The following CREM variants were observed in gnomAD, a reference collection of about 807,000 sequenced individuals.
CREM encodes the protein cAMP-responsive element modulator.
CREM carries 13 observed loss-of-function variants against 37.3 expected under a neutral mutation model. The ratio of observed to expected loss-of-function variants is 0.35; its 90% CI spans 0.23 to 0.55. CREM has a LOEUF of 0.55. Ranked by LOEUF, CREM falls within the 20% of genes least tolerant of loss-of-function variation. CREM has a pLI of 0.88. For missense variants in CREM, 296 were observed against 362.3 expected, an observed-to-expected ratio of 0.82 and a Z score of 1.49; for synonymous variants, 124 against 120.2, an observed-to-expected ratio of 1.03 and a Z score of -0.21.
chr10:35,157,787 G>A (rs1219455685), intron 3 of CREM, among the ~76,000 whole-genome samples: 1 of 152,030 alleles, frequency 6.6e-6, no homozygotes, highest in Non-Finnish European at 1.5e-5. Context: ...GTTCATAGAT[G>A]ACATGATCTT....
At chr10:35,178,191 T>G (rs1029186450) in intron 3 of CREM, among the ~76,000 whole-genome samples, 2 of 152,206 alleles carry the variant, frequency 1.3e-5, no homozygotes, top group Non-Finnish European at 2.9e-5. Context: ...AGAGATTCAT[T>G]ATTTTAGTTT....
intron 3 of CREM, chr10:35,171,167 T>TA (rs2093800612): frequency 7.4e-6 from 1 of 135,408 alleles, no homozygotes; most frequent in Admixed American, 7.5e-5. Flanking sequence ...AAGCCTTTTT[T>TA]TTTTTTTTTT....
intron 5 of CREM, among the ~76,000 whole-genome samples, chr10:35,182,158 G>A (rs1472656832): frequency 6.6e-6 from 1 of 152,116 alleles, no homozygotes; most frequent in Non-Finnish European, 1.5e-5. Flanking sequence ...TTTAGAAGAC[G>A]TTTACTTTAA....
chr10:35,162,548 C>G (rs1287422318), intron 3 of CREM, among the ~76,000 whole-genome samples: 1 of 152,118 alleles, frequency 6.6e-6, no homozygotes, highest in African/African-American at 2.4e-5. Flanking sequence ...TCTGTCAATT[C>G]AAAATGTAAA....
intron 3 of CREM, among the ~76,000 whole-genome samples, chr10:35,155,741 G>A (rs2092860088): frequency 6.6e-6 from 1 of 151,474 alleles, no homozygotes; most frequent in South Asian, 2.1e-4. Context: ...TGATTCTCTT[G>A]CCTCAGGTTC....
chr10:35,167,935 G>T, intron 3 of CREM: 1 of 766,530 alleles, frequency 1.3e-6, no homozygotes, highest in South Asian at 1.7e-5. Flanking sequence ...TACTGAGAAT[G>T]ATGATTTCCA....
intron 3 of CREM, among the ~76,000 whole-genome samples, chr10:35,169,278 C>T (rs1316786974): frequency 6.6e-6 from 1 of 152,108 alleles, no homozygotes; most frequent in African/African-American, 2.4e-5. Flanking sequence ...TTTCATTGAG[C>T]AGTGGTTTGT....
rs760034065 is a variant in CREM, at chr10:35,211,645, C to CT, written c.*254dup. The CT allele has an allele frequency of 6.2e-6, 10 of 1,606,404 alleles. No homozygotes were observed. In the East Asian group the frequency reaches 6.7e-5, roughly 11 times the overall value. On this transcript the variant is annotated 3_prime_UTR_variant, in exon 8 of 8. Transcript: ENST00000685392. ...ATGCTTTGTTTGCCCTTTGCTTCTG[C>CT]TTTTTTTCAGGGAAGCTGCCAAAGA... is the stretch of plus-strand genomic sequence containing the variant.
chr10:35,190,611 G>C lies in CREM; in HGVS notation c.598+2223G>C, dbSNP rs1022855546. ...TCATATGCATTTGGAATAAGTTTGA[G>C]TTTCTAAATAGTAGTAGTAATAATA... On this transcript the variant is annotated intron_variant, in intron 6 of 7. Coordinates refer to ENST00000685392, the MANE Select transcript of CREM (RefSeq NM_183011.2). 2.6e-5 allele frequency among the ~76,000 whole-genome samples: 4 copies of C among 152,000 alleles called. No individual in the cohort carries two copies. The East Asian group carries it at 7.7e-4, about 29-fold the overall frequency.
At position 35,135,782 on chromosome 10, in the gene CREM, CA is replaced by C. The variant is rs1425523781; in HGVS notation, c.-54-1996del. On this transcript the variant is annotated intron_variant, in intron 1 of 7. Coordinates refer to ENST00000685392, the MANE Select transcript of CREM (RefSeq NM_183011.2). Reference sequence around the variant, plus strand: ...AAAAAATGAGACAAAGAAGATAGAACAAAAGGCTAGATAATTTGGAAGAAAA... The same window carrying C: ...AAAAAATGAGACAAAGAAGATAGAACAAAGGCTAGATAATTTGGAAGAAAA... 4.1e-5 allele frequency among the ~76,000 whole-genome samples: 4 copies of C among 97,106 alleles called. 1 individual carries two copies. Among genetic ancestry groups the C allele is most frequent in the Non-Finnish European group, 8.8e-5 (4 of 45,352 alleles). The allele number at this position is 97,106 out of a possible 152,430, so 63.7% of individuals were successfully genotyped here.
At chr10:35,144,318 T>C (rs1468968134) in intron 2 of CREM, among the ~76,000 whole-genome samples, 1 of 152,184 alleles carries the variant, frequency 6.6e-6, no homozygotes, top group Non-Finnish European at 1.5e-5. Context: ...TTGTGGTTGA[T>C]CTCATTCTGA....
At chr10:35,143,946 T>C (rs566419317) in intron 2 of CREM, among the ~76,000 whole-genome samples, 4 of 152,174 alleles carry the variant, frequency 2.6e-5, no homozygotes, top group Admixed American at 2.6e-4. Flanking sequence ...GATTGTATTA[T>C]GGAGGGAAAG....
chr10:35,140,270 A>T (rs1455469693), intron 2 of CREM, among the ~76,000 whole-genome samples: 2 of 152,204 alleles, frequency 1.3e-5, no homozygotes, highest in Non-Finnish European at 2.9e-5. Flanking sequence ...AAGAGAAAGC[A>T]TATCTGAGTG....
At chr10:35,186,987 T>C (rs1337128313) in intron 5 of CREM, among the ~76,000 whole-genome samples, 5 of 84,358 alleles carry the variant, frequency 5.9e-5, no homozygotes, top group Non-Finnish European at 1.0e-4. Flanking sequence ...ATATGTGATA[T>C]ATATTATATA....
rs1468009589 is a variant in CREM at position 35,187,001 on chromosome 10, TATATA to T, written c.410-1188_410-1184del. On this transcript the variant is annotated intron_variant, in intron 5 of 7. Coordinates refer to ENST00000685392, the MANE Select transcript of CREM (RefSeq NM_183011.2). ...TATATGTGATATATATTATATATTATATATAATATAATATATAATATATATCACAT... is the reference window on the plus strand; with the variant it reads ...TATATGTGATATATATTATATATTATATATAATATATAATATATATCACAT... Among the ~76,000 whole-genome samples, 684 of 86,106 alleles carry T rather than the reference TATATA, an allele frequency of 7.9e-3. 12 individuals carry two copies. Among genetic ancestry groups the T allele is most frequent in the African/African-American group, 0.031 (627 of 20,350 alleles). The allele number at this position is 86,106 out of a possible 152,430, so 56.5% of individuals were successfully genotyped here.
chr10:35,186,671 A>G (rs12771997), intron 5 of CREM, among the ~76,000 whole-genome samples: 48,690 of 140,202 alleles, frequency 0.35, 10,322 homozygotes, highest in Middle Eastern at 0.47. Context: ...GACATATATA[A>G]TTATAATAAA....
chr10:35,197,854 C>T (rs1341979000), intron 6 of CREM, among the ~76,000 whole-genome samples: 2 of 152,286 alleles, frequency 1.3e-5, no homozygotes, highest in East Asian at 3.9e-4. Context: ...CCTCTGGGCT[C>T]TCAGTTCTGA....
chr10:35,207,093 T>C, intron 7 of CREM, 42 bp downstream of exon 7: 1 of 1,584,802 alleles, frequency 6.3e-7, no homozygotes, highest in Non-Finnish European at 8.6e-7. Context: ...TAGGACACTT[T>C]TTAAAAATTA....
At position 35,146,070 on chromosome 10, in the gene CREM, T is replaced by C. The variant is rs369420150; in HGVS notation, c.45-2298T>C. Among the ~76,000 whole-genome samples, 21 of 152,354 alleles carry C rather than the reference T, an allele frequency of 1.4e-4. 1 individual carries two copies. The highest frequency in any genetic ancestry group is 2.4e-4 in the African/African-American group (10 of 41,592). On this transcript the variant is annotated intron_variant, in intron 2 of 7. Transcript: ENST00000685392. ...CCATCAGGGCAAGGGCCATGACTTA[T>C]CTGCTTTTGTATTTTCAGGGCCTGC... is the stretch of plus-strand genomic sequence containing the variant.
Sources: gnomAD v4.1 joint callset for allele counts (sites outside exome capture counted in the v4.1 genomes callset) on GRCh38, gnomAD v4.1.1 for gene constraint, MANE v1.5 for transcripts, NCBI Gene and HGNC (gene_info 2026-07-23, HGNC 2026-07-21) for gene names.